Variants in NWD2 observed in about 807,000 individuals in gnomAD.
The protein encoded by NWD2 is NACHT and WD repeat domain-containing protein 2.
NWD2 carries 37 observed loss-of-function variants against 132.7 expected under a neutral mutation model. The observed-to-expected ratio is 0.28, with a 90% CI of 0.21 to 0.37. NWD2 has a LOEUF of 0.37. Ranked by LOEUF, NWD2 falls within the 10% of genes least tolerant of loss-of-function variation. NWD2 has a pLI of 1.00. For synonymous variants in NWD2, 705 were observed against 803.0 expected (o/e 0.88, Z 2.06); for missense variants, 1,592 against 2,122.4 (o/e 0.75, Z 4.91).
chr4:37,443,522 A>C lies in NWD2; in HGVS notation c.1534A>C (p.Ile512Leu). ...TTCACTGCAGAGACCTCTAGTCATA[A>C]TATTCGATGCACTAGAGCAGCTCTC... ...ESSLQRPLVI[I>L]FDALEQLSEN... is the part of the protein sequence containing the mutation. Residue 512 changes from isoleucine (I) to leucine (L), a missense_variant, in exon 7 of 7, where the codon ATA (isoleucine) becomes CTA (leucine). Ile to Leu is a conservative substitution (Grantham distance 5). Transcript: ENST00000309447. This position sits in a 1 kb window ranked among gnomAD's most constrained non-coding sequence, Gnocchi z 4.1. 1 of 1,551,850 alleles carries C rather than the reference A, an allele frequency of 6.4e-7. No homozygotes were observed. Among genetic ancestry groups the C allele is most frequent in the Non-Finnish European group, 8.7e-7 (1 of 1,146,980 alleles).
intron 2 of NWD2, among the ~76,000 whole-genome samples, chr4:37,327,325 G>GA (rs1253416203): frequency 1.3e-5 from 2 of 152,016 alleles, no homozygotes; most frequent in African/African-American, 2.4e-5. Context: ...GGGAGAAAGA[G>GA]AAAAAAAGTA....
chr4:37,429,840 GA>G (rs1173914949), intron 3 of NWD2, among the ~76,000 whole-genome samples: 2 of 152,008 alleles, frequency 1.3e-5, no homozygotes, highest in Non-Finnish European at 2.9e-5. Context: ...ATTCCCAGAA[GA>G]AAAAAATGCC....
At chr4:37,270,405 G>A (rs1318517748) in intron 1 of NWD2, among the ~76,000 whole-genome samples, 1 of 151,730 alleles carries the variant, frequency 6.6e-6, no homozygotes, top group Non-Finnish European at 1.5e-5. Flanking sequence ...CATTTATACT[G>A]TATCCCCAAA....
At chr4:37,418,575 A>G (rs1027740287) in intron 3 of NWD2, among the ~76,000 whole-genome samples, 9 of 151,914 alleles carry the variant, frequency 5.9e-5, no homozygotes, top group African/African-American at 1.9e-4. Context: ...AACTATGTTG[A>G]TGGTAAATAT....
chr4:37,374,942 A>C (rs1720314794), intron 3 of NWD2, among the ~76,000 whole-genome samples: 1 of 152,236 alleles, frequency 6.6e-6, no homozygotes, highest in Non-Finnish European at 1.5e-5. Context: ...TTAATTACCA[A>C]AGTAGCTTCA....
In NWD2 at chr4:37,447,041, T is replaced by C. The variant is rs1415236230; in HGVS notation, c.5053T>C (p.Ser1685Pro). The change falls in exon 7 of 7, where the codon TCT (serine) becomes CCT (proline). Residue 1685 changes from serine (S) to proline (P), a missense_variant. Around this residue, in one of 7 missense-constraint regions of NWD2, gnomAD observed 257 missense variants for 335.0 expected, o/e 0.77. Transcript: ENST00000309447. ...GTGTAACAGTTATTGTTTTAAAATA[T>C]CTGTGGATTGCTTATGGAGAGAGTC... ...PKCNSYCFKI[S>P]VDCLWRESTE... 2.6e-6 allele frequency: 4 copies of C among 1,551,622 alleles called. No homozygotes were observed. In the African/African-American group the frequency reaches 4.1e-5, roughly 16 times the overall value.
intron 3 of NWD2, among the ~76,000 whole-genome samples, chr4:37,409,455 A>G (rs866836055): frequency 1.3e-5 from 2 of 152,024 alleles, no homozygotes; most frequent in Non-Finnish European, 2.9e-5. Context: ...AGACAAGATT[A>G]TGGAAAAAAA....
At position 37,448,458 on chromosome 4, in the gene NWD2, G is replaced by A. The variant is rs948462490; in HGVS notation, c.*1241G>A. 2 of 152,140 alleles carry A rather than the reference G, an allele frequency of 1.3e-5. No individual in the cohort carries two copies. The highest frequency in any genetic ancestry group is 4.8e-5 in the African/African-American group (2 of 41,428). 9.4% of individuals were successfully genotyped at this position (152,140 alleles called of 1,614,324 possible). ...TATCCATTTCAAAGCAGAAGCTGTG[G>A]AATGGTATTAAATATTTTTTAAAAT... On this transcript the variant is annotated 3_prime_UTR_variant, in exon 7 of 7. Coordinates refer to ENST00000309447, the MANE Select transcript of NWD2 (RefSeq NM_001144990.2).
intron 2 of NWD2, among the ~76,000 whole-genome samples, chr4:37,342,950 A>G (rs146821029): frequency 8.0e-4 from 122 of 152,216 alleles, no homozygotes; most frequent in Admixed American, 2.1e-3. Flanking sequence ...GCCCTCCTAT[A>G]TATCCGTCAT....
At chr4:37,305,610 GATGTA>G (rs1718695871) in intron 1 of NWD2, among the ~76,000 whole-genome samples, 1 of 152,130 alleles carries the variant, frequency 6.6e-6, no homozygotes, top group Non-Finnish European at 1.5e-5. Flanking sequence ...TTCATCTGTT[GATGTA>G]ATGTATCACA....
chr4:37,321,111 C>G (rs529287932), intron 1 of NWD2, among the ~76,000 whole-genome samples: 1 of 152,104 alleles, frequency 6.6e-6, no homozygotes, highest in Non-Finnish European at 1.5e-5. Context: ...GAGCCGAGAT[C>G]ATGCCACTGC....
chr4:37,429,821 T>C (rs2109325781), intron 3 of NWD2, among the ~76,000 whole-genome samples: 1 of 152,332 alleles, frequency 6.6e-6, no homozygotes, highest in Non-Finnish European at 1.5e-5. Flanking sequence ...AATTATTTTC[T>C]AAAGACAAAT....
intron 3 of NWD2, among the ~76,000 whole-genome samples, chr4:37,394,820 T>TTG (rs10671278): frequency 3.8e-5 from 5 of 132,750 alleles, no homozygotes; most frequent in Non-Finnish European, 8.0e-5. Context: ...TTTTTTTTTT[T>TTG]TTTTTTTTGA....
chr4:37,359,769 C>T (rs1719943187), intron 3 of NWD2, among the ~76,000 whole-genome samples: 1 of 152,170 alleles, frequency 6.6e-6, no homozygotes, highest in Non-Finnish European at 1.5e-5. Context: ...TTTTCGACTT[C>T]ATTTCCTATA....
intron 3 of NWD2, among the ~76,000 whole-genome samples, chr4:37,414,755 T>A (rs901446771): frequency 6.6e-6 from 1 of 152,244 alleles, no homozygotes; most frequent in African/African-American, 2.4e-5. Flanking sequence ...CAACACATTA[T>A]ACAATGGTGG....
At chr4:37,321,136 A>G (rs1288615676) in intron 1 of NWD2, among the ~76,000 whole-genome samples, 1 of 152,116 alleles carries the variant, frequency 6.6e-6, no homozygotes, top group Non-Finnish European at 1.5e-5. Flanking sequence ...TCAGCCTGGG[A>G]AACAGTGAAA....
At chr4:37,422,218 A>G (rs1711837139) in intron 3 of NWD2, among the ~76,000 whole-genome samples, 1 of 152,278 alleles carries the variant, frequency 6.6e-6, no homozygotes, top group East Asian at 1.9e-4. Context: ...CTATGAACAC[A>G]CTGATTATAA....
rs145963699 is a variant in NWD2, at chr4:37,363,295, T to C, written c.357+6813T>C. Among the ~76,000 whole-genome samples, 400 of 152,318 alleles carry C rather than the reference T, an allele frequency of 2.6e-3. 3 individuals are homozygous for C. Among genetic ancestry groups the C allele is most frequent in the African/African-American group, 9.0e-3 (376 of 41,568 alleles). ...ACTACCATTCAACTCAGCAATATCA[T>C]GACTGGGTATATATCCAAAAGAAAA... On this transcript the variant is annotated intron_variant, in intron 3 of 6. Transcript: ENST00000309447.
At chr4:37,374,824 T>C (rs1720311124) in intron 3 of NWD2, among the ~76,000 whole-genome samples, 1 of 152,246 alleles carries the variant, frequency 6.6e-6, no homozygotes, top group Non-Finnish European at 1.5e-5. Flanking sequence ...TATAGTATTT[T>C]ATAAACATTA....
Sources: gnomAD v4.1 joint callset for allele counts (sites outside exome capture counted in the v4.1 genomes callset) on GRCh38, gnomAD v4.1.1 for gene constraint, gnomAD v4.1.1 regional missense constraint, Gnocchi (gnomAD v3.1) non-coding constraint, MANE v1.5 for transcripts, NCBI Gene and HGNC (gene_info 2026-07-23, HGNC 2026-07-21) for gene names.